UBR2: variants seen among roughly 807,000 people sequenced by gnomAD.
UBR2 encodes ubiquitin protein ligase E3 component n-recognin 2, also known as E3 ubiquitin-protein ligase UBR2.
Under a neutral mutation model 247.9 loss-of-function variants are expected in UBR2, and 92 were observed. The ratio of observed to expected loss-of-function variants is 0.37; its 90% CI spans 0.31 to 0.44. The LOEUF is 0.44. UBR2 is among the 20% of genes least tolerant of loss of function. The pLI is 1.00. For missense variants in UBR2, 1,613 were observed against 2,112.6 expected, an observed-to-expected ratio of 0.76 and a Z score of 4.64; for synonymous variants, 672 against 693.5, an observed-to-expected ratio of 0.97 and a Z score of 0.49.
intron 46 of UBR2, 137 bp from the exon 47 acceptor site, chr6:42,690,895 C>T (rs2152000080): frequency 1.8e-6 from 2 of 1,092,576 alleles, no homozygotes; most frequent in East Asian, 5.0e-5. Context: ...TTAATAGCCA[C>T]AGTCACCTGC....
rs959763742 is a variant in UBR2, at chr6:42,689,484, T to C, written c.5025-85T>C. 7.7e-7 allele frequency: 1 copy of C among 1,296,670 alleles called. No individual in the cohort carries two copies. Among genetic ancestry groups the C allele is most frequent in the Non-Finnish European group, 1.1e-6 (1 of 894,516 alleles). 80.3% of individuals were successfully genotyped at this position (1,296,670 alleles called of 1,614,324 possible). ...CTAATAGTGGTTTAAATATCAGTAC[T>C]ATAAGACTTCATTCTATTTGGAACT... is the stretch of plus-strand genomic sequence containing the variant. On this transcript the variant is annotated intron_variant, in intron 45 of 46. Coordinates refer to ENST00000372901, the MANE Select transcript of UBR2 (RefSeq NM_001363705.2). This position sits in a 1 kb window ranked among gnomAD's most constrained non-coding sequence, Gnocchi z 4.0.
At position 42,573,916 on chromosome 6, in the gene UBR2, A is replaced by G; in HGVS notation, c.261A>G (p.Pro87=). Residue 87 remains proline (P), a synonymous_variant, in exon 2 of 47, where the codon CCA becomes CCG. Coordinates refer to ENST00000372901, the MANE Select transcript of UBR2 (RefSeq NM_001363705.2). ...LCGEDPAFGF[P]KLEQANKPSH... ...GTGAAGATCCTGCATTTGGATTTCC[A>G]AAACTTGAGCAAGCAAACAAACCTT... The G allele has an allele frequency of 6.2e-7, 1 of 1,613,936 alleles. No individual in the cohort carries two copies. Among genetic ancestry groups the G allele is most frequent in the Non-Finnish European group, 8.5e-7 (1 of 1,179,952 alleles).
chr6:42,612,806 T>C (rs1278388879), intron 8 of UBR2, among the ~76,000 whole-genome samples: 1 of 152,172 alleles, frequency 6.6e-6, no homozygotes, highest in Non-Finnish European at 1.5e-5. Flanking sequence ...ATTTGCGTTT[T>C]TAAAAAATTT....
chr6:42,612,215 G>A lies in UBR2; in HGVS notation c.909G>A (p.Met303Ile). 2 of 1,554,798 alleles carry A rather than the reference G, an allele frequency of 1.3e-6. No individual in the cohort carries two copies. The highest frequency in any genetic ancestry group is 1.8e-6 in the Non-Finnish European group (2 of 1,137,132). Residue 303 changes from methionine to isoleucine, a missense_variant, in exon 8 of 47, where the codon ATG (methionine) becomes ATA (isoleucine). Met to Ile is a conservative substitution (Grantham distance 10). Coordinates refer to ENST00000372901, the MANE Select transcript of UBR2 (RefSeq NM_001363705.2). ...RQTKPLKVQV[M>I]HSSIVAHQNF... is the part of the protein sequence containing the mutation. ...CAAAGCCACTCAAAGTTCAAGTTAT[G>A]CATTCGTCTATTGTCGCACATCAGA...
chr6:42,659,687 C>T lies in UBR2; in HGVS notation c.3274C>T (p.Leu1092=), dbSNP rs766893006. 6.2e-7 allele frequency: 1 copy of T among 1,613,940 alleles called. No individual in the cohort carries two copies. The highest frequency in any genetic ancestry group is 1.7e-5 in the Admixed American group (1 of 60,008). ...GGCTTCAGATATGACACTTACAGCACTGGGCCCCGCACAAACTCAGGTTCC... is the reference window on the plus strand; with the variant it reads ...GGCTTCAGATATGACACTTACAGCATTGGGCCCCGCACAAACTCAGGTTCC... ...PVASDMTLTA[L]GPAQTQVPEQ... is the part of the protein sequence containing the mutation. Residue 1092 remains leucine, a synonymous_variant, in exon 30 of 47, where the codon CTG becomes TTG. Transcript: ENST00000372901. This position sits in a 1 kb window ranked among gnomAD's most constrained non-coding sequence, Gnocchi z 4.3.
intron 22 of UBR2, among the ~76,000 whole-genome samples, 200 bp from the exon 23 acceptor site, chr6:42,650,084 C>G (rs1375051890): frequency 6.6e-6 from 1 of 152,172 alleles, no homozygotes; most frequent in Non-Finnish European, 1.5e-5. Flanking sequence ...AGGATAAATT[C>G]CAAGTGGGCA....
chr6:42,636,920 T>G, intron 14 of UBR2, 91 bp from the exon 15 acceptor site: 2 of 1,386,062 alleles, frequency 1.4e-6, no homozygotes, highest in Non-Finnish European at 2.0e-6. Context: ...TATTGTTATT[T>G]GAGGTACTTA....
Position 42,676,867 on chromosome 6 carries a change from C to T in UBR2, c.4472C>T (p.Thr1491Met), listed in dbSNP as rs756987316. The change falls in exon 40 of 47, where the codon ACG becomes ATG. Residue 1491 changes from threonine to methionine, a missense_variant. By Grantham distance (81) the Thr-to-Met change is moderately conservative. This residue lies in a region of UBR2 where 1,524 missense variants were observed against 1,967.3 expected (regional missense o/e 0.77). Transcript: ENST00000372901. ...LALYKTLHQY[T>M]GSALKEIPSG... ...TTGTATAAAACACTTCACCAGTATACGGGAAGGTGAGTTAGTTATCTTTAC... is the reference window on the plus strand; with the variant it reads ...TTGTATAAAACACTTCACCAGTATATGGGAAGGTGAGTTAGTTATCTTTAC... The T allele has an allele frequency of 9.3e-6, 15 of 1,612,166 alleles. No individual in the cohort carries two copies. Among genetic ancestry groups the T allele is most frequent in the Non-Finnish European group, 1.2e-5 (14 of 1,178,542 alleles).
chr6:42,593,733 A>T (rs1388912455), intron 3 of UBR2, among the ~76,000 whole-genome samples: 1 of 152,218 alleles, frequency 6.6e-6, no homozygotes, highest in Non-Finnish European at 1.5e-5. Context: ...GAGAAGAAAA[A>T]TTAACTATTT....
intron 35 of UBR2, 113 bp downstream of exon 35, chr6:42,670,353 T>A (rs1798357733): frequency 7.4e-7 from 1 of 1,343,932 alleles, no homozygotes; most frequent in Non-Finnish European, 1.0e-6. Context: ...CGTGAAGAAA[T>A]AATAAAAAGA....
intron 7 of UBR2, among the ~76,000 whole-genome samples, chr6:42,610,250 G>T (rs985547016): frequency 2.0e-5 from 3 of 152,132 alleles, no homozygotes; most frequent in African/African-American, 7.2e-5. Flanking sequence ...AGGTAAAATG[G>T]TATAGCCACT....
chr6:42,568,479 C>T (rs1319581779), intron 1 of UBR2, among the ~76,000 whole-genome samples: 20 of 152,116 alleles, frequency 1.3e-4, no homozygotes, highest in Admixed American at 1.3e-3. Flanking sequence ...CCTGTAATTC[C>T]AGCACTTTGG....
In UBR2 at chr6:42,684,840, A is replaced by C. The variant is rs765617427; in HGVS notation, c.4822A>C (p.Ser1608Arg). The change falls in exon 44 of 47, where the codon AGC (serine) becomes CGC (arginine). Residue 1608 changes from serine to arginine, a missense_variant. Around this residue, in one of 3 missense-constraint regions of UBR2, gnomAD observed 1,524 missense variants for 1,967.3 expected, o/e 0.77. Transcript: ENST00000372901. ...NKLINLPEDYSSLINQASNFS... is the reference protein window; with the variant it reads ...NKLINLPEDYRSLINQASNFS... ...ATTAATAAACCTTCCAGAGGATTAC[A>C]GCAGCCTCATTAATCAAGCATCCAA... The C allele has an allele frequency of 6.2e-7, 1 of 1,612,898 alleles. No homozygotes were observed. The highest frequency in any genetic ancestry group is 1.1e-5 in the South Asian group (1 of 90,880).
chr6:42,574,471 T>G (rs114430227), intron 2 of UBR2, among the ~76,000 whole-genome samples: 3,378 of 152,272 alleles, frequency 0.022, 49 homozygotes, highest in South Asian at 0.058. Context: ...GCTATTTCTT[T>G]AAAGATTTTT....
intron 2 of UBR2, among the ~76,000 whole-genome samples, chr6:42,577,079 A>G (rs921207646): frequency 6.6e-6 from 1 of 152,196 alleles, no homozygotes; most frequent in East Asian, 1.9e-4. Context: ...GTAAATGGCC[A>G]TGCTGGGTGC....
chr6:42,617,308 A>G (rs1430223719), intron 10 of UBR2, 101 bp from the exon 11 acceptor site: 3 of 1,614,102 alleles, frequency 1.9e-6, no homozygotes, highest in Admixed American at 3.3e-5. Context: ...TGACTGCTCT[A>G]TCTGTCCAGT....
intron 44 of UBR2, among the ~76,000 whole-genome samples, chr6:42,686,433 A>G (rs1271099092): frequency 1.7e-4 from 26 of 151,478 alleles, no homozygotes; most frequent in Admixed American, 5.3e-4. Context: ...AGGCAGAAGA[A>G]TTTTTCTTAG....
intron 11 of UBR2, among the ~76,000 whole-genome samples, chr6:42,626,994 G>A (rs1795388193): frequency 6.6e-6 from 1 of 152,118 alleles, no homozygotes; most frequent in African/African-American, 2.4e-5. Context: ...TGAAGACGAG[G>A]GAATTGCAAT....
intron 1 of UBR2, among the ~76,000 whole-genome samples, chr6:42,572,457 C>CT (rs537516250): frequency 0.24 from 33,429 of 140,588 alleles, 3,779 homozygotes; most frequent in African/African-American, 0.26. Context: ...CTTGAACATA[C>CT]TTTTTTTTTT....
Sources: gnomAD v4.1 joint callset for allele counts (sites outside exome capture counted in the v4.1 genomes callset) on GRCh38, gnomAD v4.1.1 for gene constraint, gnomAD v4.1.1 regional missense constraint, Gnocchi (gnomAD v3.1) non-coding constraint, MANE v1.5 for transcripts, NCBI Gene and HGNC (gene_info 2026-07-23, HGNC 2026-07-21) for gene names.